Variants in ZNF723 observed in about 807,000 individuals in gnomAD.
The protein encoded by ZNF723 is zinc finger protein 723, pseudogene.
Under a neutral mutation model 9.4 loss-of-function variants are expected in ZNF723, and 5 were observed. The ratio of observed to expected loss-of-function variants is 0.53; its 90% CI spans 0.28 to 1.12. ZNF723 has a LOEUF of 1.12. Among genes scored for constraint, ZNF723 ranks in the 50% most tolerant of loss-of-function variants. The pLI is 0.10. For synonymous variants in ZNF723, 158 were observed against 168.8 expected, an observed-to-expected ratio of 0.94 and a Z score of 0.49; for missense variants, 450 against 501.5, an observed-to-expected ratio of 0.90 and a Z score of 0.98.
upstream of ZNF723, among the ~76,000 whole-genome samples, chr19:22,828,983 G>C (rs1367368662): frequency 6.6e-6 from 1 of 152,024 alleles, no homozygotes; most frequent in African/African-American, 2.4e-5. Context: ...GACCAGTCTG[G>C]CCAACATGGT....
At chr19:22,821,649 CA>C in the ZNF723 span, among the ~76,000 whole-genome samples, 1 of 152,162 alleles carries the variant, frequency 6.6e-6, no homozygotes, top group Non-Finnish European at 1.5e-5. Flanking sequence ...TCCATTCACA[CA>C]GCTTAAATTT....
chr19:22,854,088 T>G (rs1195949046), intron 3 of ZNF723, among the ~76,000 whole-genome samples: 2 of 152,224 alleles, frequency 1.3e-5, no homozygotes, highest in African/African-American at 2.4e-5. Flanking sequence ...ATAATTATAT[T>G]GCTCTCTATG....
intron 3 of ZNF723, among the ~76,000 whole-genome samples, chr19:22,851,401 A>G (rs994444518): frequency 2.6e-5 from 4 of 152,052 alleles, no homozygotes; most frequent in Admixed American, 2.0e-4. Context: ...TGAATTCCTG[A>G]TGTCAGGTGA....
chr19:22,848,717 G>A (rs1174488414), intron 2 of ZNF723, among the ~76,000 whole-genome samples: 1 of 148,922 alleles, frequency 6.7e-6, no homozygotes, highest in Non-Finnish European at 1.5e-5. Context: ...GTGGTACTGG[G>A]TAGAGAAATT....
intron 1 of ZNF723, among the ~76,000 whole-genome samples, chr19:22,839,599 G>T (rs1270983670): frequency 2.6e-5 from 4 of 151,114 alleles, no homozygotes; most frequent in Non-Finnish European, 5.9e-5. Flanking sequence ...TCAGCCTCCT[G>T]AACAGCTGGG....
In ZNF723 at chr19:22,857,279, T is replaced by A. The variant is rs1967492315; in HGVS notation, c.388T>A (p.Tyr130Asn). 4.9e-6 allele frequency: 4 copies of A among 814,384 alleles called. No homozygotes were observed. The Admixed American group carries it at 7.0e-5, about 14-fold the overall frequency. The allele number at this position is 814,384 out of a possible 1,614,324, so 50.4% of individuals were successfully genotyped here. The change falls in exon 4 of 4, where the codon TAT (tyrosine) becomes AAT (asparagine). Residue 130 changes from tyrosine (Y) to asparagine (N), a missense_variant. This residue lies in a region of ZNF723 where 143 missense variants were observed against 101.3 expected (regional missense o/e 1.41). Transcript: ENST00000600766. ...VDECKMHKGG[Y>N]DELKQCLTTT... Reference sequence around the variant, plus strand: ...TGAGTGTAAGATGCACAAAGGAGGTTATGATGAACTTAAGCAATGTTTGAC... The same window carrying A: ...TGAGTGTAAGATGCACAAAGGAGGTAATGATGAACTTAAGCAATGTTTGAC...
intron 1 of ZNF723, among the ~76,000 whole-genome samples, chr19:22,833,341 C>T (rs761114501): frequency 1.3e-5 from 2 of 151,784 alleles, no homozygotes; most frequent in South Asian, 2.1e-4. Flanking sequence ...TTGGTAGAGA[C>T]GGGGTTTCAC....
upstream of ZNF723, among the ~76,000 whole-genome samples, chr19:22,831,227 G>A (rs921574948): frequency 2.6e-5 from 4 of 152,156 alleles, no homozygotes; most frequent in Admixed American, 1.3e-4. Context: ...TTGGTGAAGG[G>A]CTGAAATGGT....
At chr19:22,849,030 C>G (rs2145223723) in intron 2 of ZNF723, among the ~76,000 whole-genome samples, 168 bp from the exon 3 acceptor site, 1 of 152,266 alleles carries the variant, frequency 6.6e-6, no homozygotes, top group Non-Finnish European at 1.5e-5. Context: ...GCTGGGATTA[C>G]AGGCATGAGT....
In ZNF723 at chr19:22,858,410, A is replaced by G; in HGVS notation, c.1519A>G (p.Lys507Glu). ...ACATAAGATAATTCATACTAAAGAG[A>G]AATCACAAACCTTAAAGATGTGACA... ...NRHKIIHTKEKSQTLKM is the reference protein window; with the variant it reads ...NRHKIIHTKEESQTLKM The change falls in exon 4 of 4, where the codon AAA (lysine) becomes GAA (glutamate). Residue 507 changes from lysine to glutamate, a missense_variant. By Grantham distance (56) the Lys-to-Glu change is moderately conservative. Around this residue, in one of 5 missense-constraint regions of ZNF723, gnomAD observed 43 missense variants for 22.2 expected, o/e 1.94. Coordinates refer to ENST00000600766, the MANE Select transcript of ZNF723 (RefSeq NM_001349726.2). 1 of 738,258 alleles carries G rather than the reference A, an allele frequency of 1.4e-6. No individual in the cohort carries two copies. Among genetic ancestry groups the G allele is most frequent in the Non-Finnish European group, 2.3e-6 (1 of 443,560 alleles). The allele number at this position is 738,258 out of a possible 1,614,324, so 45.7% of individuals were successfully genotyped here.
intron 3 of ZNF723, among the ~76,000 whole-genome samples, chr19:22,854,351 A>G (rs531438494): frequency 6.6e-6 from 1 of 152,238 alleles, no homozygotes; most frequent in Non-Finnish European, 1.5e-5. Flanking sequence ...TAGAATGTGT[A>G]TGTCCGTCTT....
At chr19:22,816,982 T>C in the ZNF723 span, among the ~76,000 whole-genome samples, 5 of 152,374 alleles carry the variant, frequency 3.3e-5, no homozygotes, top group Admixed American at 6.5e-5. Flanking sequence ...GTGATGCGGC[T>C]ATTTTCCACT....
At chr19:22,827,249 A>G in the ZNF723 span, among the ~76,000 whole-genome samples, 1 of 152,226 alleles carries the variant, frequency 6.6e-6, no homozygotes, top group Non-Finnish European at 1.5e-5. Context: ...GTAATTGCTA[A>G]TACTTGTAGT....
intron 1 of ZNF723, among the ~76,000 whole-genome samples, chr19:22,844,086 T>A (rs2145217105): frequency 6.6e-6 from 1 of 152,242 alleles, no homozygotes. Context: ...AGATGAGAGT[T>A]TTGGCTGGTG....
At chr19:22,842,246 C>T (rs1250073675) in intron 1 of ZNF723, among the ~76,000 whole-genome samples, 2 of 152,198 alleles carry the variant, frequency 1.3e-5, no homozygotes, top group South Asian at 2.1e-4. Context: ...CTCAGGTGAT[C>T]GACCCGCCTC....
chr19:22,829,737 T>C (rs901131603), upstream of ZNF723, among the ~76,000 whole-genome samples: 24 of 152,228 alleles, frequency 1.6e-4, no homozygotes, highest in African/African-American at 5.1e-4. Context: ...TGATAGGTTT[T>C]TTTTCATACT....
At chr19:22,831,296 C>A (rs1311697130), upstream of ZNF723, among the ~76,000 whole-genome samples, 1 of 152,116 alleles carries the variant, frequency 6.6e-6, no homozygotes, top group Non-Finnish European at 1.5e-5. Flanking sequence ...GTGACTCACT[C>A]CTGCAATCCC....
chr19:22,853,852 G>A (rs952781405), intron 3 of ZNF723, among the ~76,000 whole-genome samples: 14 of 152,112 alleles, frequency 9.2e-5, no homozygotes, highest in Non-Finnish European at 1.9e-4. Context: ...AACCTCAGGT[G>A]ATCTGCCTGC....
At chr19:22,816,650 G>A in the ZNF723 span, among the ~76,000 whole-genome samples, 3 of 152,178 alleles carry the variant, frequency 2.0e-5, no homozygotes, top group Non-Finnish European at 4.4e-5. Flanking sequence ...CCCACAGATT[G>A]GATAGTGACA....
Sources: allele counts gnomAD v4.1 joint callset (sites outside exome capture counted in the v4.1 genomes callset), GRCh38; gene constraint gnomAD v4.1.1; regional missense constraint gnomAD v4.1.1; transcripts MANE v1.5; gene names NCBI Gene and HGNC (gene_info 2026-07-23, HGNC 2026-07-21).